CDK19: variants seen among roughly 807,000 people sequenced by gnomAD.
The protein encoded by CDK19 is cyclin dependent kinase 19.
In CDK19, 20 loss-of-function variants were observed where a neutral mutation model predicts 68.3. That is an observed-to-expected ratio of 0.29 (90% CI 0.21 to 0.43). CDK19 has a LOEUF of 0.43. Ranked by LOEUF, CDK19 falls within the 20% of genes least tolerant of loss-of-function variation. The pLI, the probability that CDK19 is intolerant of heterozygous loss-of-function variation, is 1.00. For missense variants in CDK19, 339 were observed against 623.5 expected, an observed-to-expected ratio of 0.54 and a Z score of 4.86; for synonymous variants, 221 against 222.8, an observed-to-expected ratio of 0.99 and a Z score of 0.07.
chr6:110,789,761 T>C (rs888748427), intron 1 of CDK19, among the ~76,000 whole-genome samples: 4 of 152,244 alleles, frequency 2.6e-5, no homozygotes, highest in African/African-American at 9.6e-5. Context: ...TAGTAAATGA[T>C]AAAATAGACT....
intron 1 of CDK19, among the ~76,000 whole-genome samples, chr6:110,812,973 G>C (rs1309631364): frequency 6.6e-6 from 1 of 150,840 alleles, no homozygotes; most frequent in Non-Finnish European, 1.5e-5. Flanking sequence ...TTTCATCCAG[G>C]AAAAAAGCCT....
intron 1 of CDK19, among the ~76,000 whole-genome samples, chr6:110,746,579 T>A (rs1778092343): frequency 6.6e-6 from 1 of 152,290 alleles, no homozygotes; most frequent in East Asian, 1.9e-4. Context: ...ACATTCACTA[T>A]AAAAAACTGA....
At chr6:110,785,752 A>G (rs1781168672) in intron 1 of CDK19, among the ~76,000 whole-genome samples, 1 of 152,156 alleles carries the variant, frequency 6.6e-6, no homozygotes, top group Non-Finnish European at 1.5e-5. Flanking sequence ...AGGCCAAGGC[A>G]GGCAGATCGC....
intron 1 of CDK19, among the ~76,000 whole-genome samples, chr6:110,771,178 C>T (rs544832095): frequency 2.5e-4 from 38 of 152,332 alleles, no homozygotes; most frequent in Non-Finnish European, 4.0e-4. Context: ...GGGGCTCCAA[C>T]CCCACATTTC....
chr6:110,638,102 T>C (rs888702352), intron 5 of CDK19, among the ~76,000 whole-genome samples: 6 of 152,156 alleles, frequency 3.9e-5, no homozygotes, highest in African/African-American at 1.4e-4. Context: ...AATCTTAATA[T>C]ACAAATAAGA....
chr6:110,652,576 G>A (rs535676715), intron 4 of CDK19, among the ~76,000 whole-genome samples: 19 of 152,216 alleles, frequency 1.2e-4, no homozygotes, highest in East Asian at 1.2e-3. Flanking sequence ...AAAACACTAC[G>A]AAGTATGAGA....
intron 1 of CDK19, among the ~76,000 whole-genome samples, chr6:110,799,080 T>G (rs1403485114): frequency 6.8e-6 from 1 of 146,756 alleles, no homozygotes; most frequent in Admixed American, 6.9e-5. Flanking sequence ...GAGGTTGAGG[T>G]TGCAGTGAGC....
intron 2 of CDK19, among the ~76,000 whole-genome samples, chr6:110,724,520 A>G (rs1335068007): frequency 6.6e-6 from 1 of 152,224 alleles, no homozygotes; most frequent in Non-Finnish European, 1.5e-5. Flanking sequence ...GGAGCAGAAT[A>G]GTGACACAAC....
rs1362613045 is a variant in CDK19 at position 110,621,252 on chromosome 6, C to A, written c.1229G>T (p.Gly410Val). 6.2e-7 allele frequency: 1 copy of A among 1,613,150 alleles called. No homozygotes were observed. Among genetic ancestry groups the A allele is most frequent in the Admixed American group, 1.7e-5 (1 of 60,012 alleles). Residue 410 changes from glycine to valine, a missense_variant, in exon 12 of 13, where the codon GGT becomes GTT. Physicochemically the swap from Gly to Val is moderately radical, Grantham distance 109 (BLOSUM62 -3). Coordinates refer to ENST00000368911, the MANE Select transcript of CDK19 (RefSeq NM_015076.5). This position sits in a 1 kb window ranked among gnomAD's most constrained non-coding sequence, Gnocchi z 5.4. ...GCCCCCGACCCCGGCCCCAGCCCCACCTGCGGTCCCGTTGGTCTGGGTGCT... is the reference window on the plus strand; with the variant it reads ...GCCCCCGACCCCGGCCCCAGCCCCAACTGCGGTCCCGTTGGTCTGGGTGCT... ...QNSTQTNGTA[G>V]GAGAGVGGTG... is the part of the protein sequence containing the mutation.
intron 1 of CDK19, among the ~76,000 whole-genome samples, chr6:110,752,299 C>T (rs560016444): frequency 8.7e-4 from 132 of 152,170 alleles, no homozygotes; most frequent in Non-Finnish European, 1.6e-3. Flanking sequence ...CTTATTTCTA[C>T]TGCCTCTACT....
chr6:110,749,250 C>A (rs1778291349), intron 1 of CDK19, among the ~76,000 whole-genome samples: 1 of 152,154 alleles, frequency 6.6e-6, no homozygotes, highest in Admixed American at 6.5e-5. Context: ...TGTAGCAACA[C>A]CATGAAAACT....
At chr6:110,661,159 T>C (rs1054015620) in intron 4 of CDK19, among the ~76,000 whole-genome samples, 2 of 152,224 alleles carry the variant, frequency 1.3e-5, no homozygotes, top group Non-Finnish European at 2.9e-5. Flanking sequence ...TTAGGAAACA[T>C]ATTTTGAATT....
intron 1 of CDK19, among the ~76,000 whole-genome samples, chr6:110,770,359 C>A (rs527280165): frequency 6.6e-6 from 1 of 152,064 alleles, no homozygotes; most frequent in African/African-American, 2.4e-5. Context: ...TAGCAGGAGG[C>A]GAAAGGCACT....
chr6:110,776,516 CAA>C (rs774019054), intron 1 of CDK19, among the ~76,000 whole-genome samples: 14 of 151,898 alleles, frequency 9.2e-5, no homozygotes, highest in South Asian at 8.3e-4. Flanking sequence ...AAGAAGCAAT[CAA>C]AAGTTTGAGC....
intron 6 of CDK19, among the ~76,000 whole-genome samples, chr6:110,630,470 T>C (rs73539480): frequency 0.019 from 2,922 of 152,290 alleles, 101 homozygotes; most frequent in African/African-American, 0.067. Flanking sequence ...CTGTTTTCAA[T>C]AGTGGGTAAG....
intron 2 of CDK19, among the ~76,000 whole-genome samples, chr6:110,680,379 CAG>C (rs569155542): frequency 8.1e-4 from 124 of 152,234 alleles, no homozygotes; most frequent in African/African-American, 2.9e-3. Flanking sequence ...ACAGGGGACA[CAG>C]GGGAACACAA....
At chr6:110,636,675 G>A (rs1163115633) in intron 5 of CDK19, among the ~76,000 whole-genome samples, 1 of 152,200 alleles carries the variant, frequency 6.6e-6, no homozygotes, top group Non-Finnish European at 1.5e-5. Context: ...TAACAAATTA[G>A]AGTAAGTGGA....
chr6:110,801,114 A>T (rs1334398748), intron 1 of CDK19, among the ~76,000 whole-genome samples: 2 of 152,206 alleles, frequency 1.3e-5, no homozygotes, highest in African/African-American at 4.8e-5. Flanking sequence ...AGGATAAAAA[A>T]TCAACATATA....
intron 1 of CDK19, among the ~76,000 whole-genome samples, chr6:110,758,407 A>G (rs1409730723): frequency 6.6e-6 from 1 of 152,176 alleles, no homozygotes; most frequent in Non-Finnish European, 1.5e-5. Context: ...CGCTTTGTTC[A>G]ATACTCTCTC....
Sources: gnomAD v4.1 joint callset for allele counts (sites outside exome capture counted in the v4.1 genomes callset) on GRCh38, gnomAD v4.1.1 for gene constraint, Gnocchi (gnomAD v3.1) non-coding constraint, MANE v1.5 for transcripts, NCBI Gene and HGNC (gene_info 2026-07-23, HGNC 2026-07-21) for gene names.